DIP2C: variants seen among roughly 807,000 people sequenced by gnomAD.
The protein encoded by DIP2C is DIP2 acetate--CoA ligase C (putative).
Under a neutral mutation model 192.4 loss-of-function variants are expected in DIP2C, and 33 were observed. The ratio of observed to expected loss-of-function variants is 0.17; its 90% CI spans 0.13 to 0.23. The LOEUF is 0.23. Among genes scored for constraint, DIP2C ranks in the 10% least tolerant of loss-of-function variants. The pLI, the probability that DIP2C is intolerant of heterozygous loss-of-function variation, is 1.00. For missense variants in DIP2C, 1,537 were observed against 2,110.1 expected, an observed-to-expected ratio of 0.73 and a Z score of 5.32; for synonymous variants, 979 against 864.1, an observed-to-expected ratio of 1.13 and a Z score of -2.33.
intron 1 of DIP2C, among the ~76,000 whole-genome samples, chr10:603,171 G>A (rs1292919891): frequency 6.6e-6 from 1 of 151,880 alleles, no homozygotes; most frequent in Non-Finnish European, 1.5e-5. Flanking sequence ...ATATAAAACA[G>A]GAAAATAAAT....
At chr10:408,890 G>GT (rs1167588394) in intron 9 of DIP2C, 36 bp downstream of exon 9, 1 of 1,603,756 alleles carries the variant, frequency 6.2e-7, no homozygotes, top group South Asian at 1.1e-5. Flanking sequence ...CAGGACTCTT[G>GT]TGTTTTGTAG....
In DIP2C at chr10:277,539, A is replaced by G. The variant is rs149591063; in HGVS notation, c.4457T>C (p.Val1486Ala). 9 of 1,614,046 alleles carry G rather than the reference A, an allele frequency of 5.6e-6. No homozygotes were observed. The highest frequency in any genetic ancestry group is 7.6e-6 in the Non-Finnish European group (9 of 1,180,052). The change falls in exon 37 of 37, where the codon GTT becomes GCT. Residue 1486 changes from valine (V) to alanine (A), a missense_variant. Physicochemically the swap from Val to Ala is moderately conservative, Grantham distance 64. Transcript: ENST00000280886. ...FTWTNLLVVV[V>A]ELDGSEQEAL... ...TTCTTGTTCCGACCCATCCAGCTCA[A>G]CCACAACCACCAACAAATTTGTCCA...
At chr10:596,265 G>A (rs1467683102) in intron 1 of DIP2C, among the ~76,000 whole-genome samples, 10 of 152,018 alleles carry the variant, frequency 6.6e-5, no homozygotes, top group East Asian at 1.9e-4. Flanking sequence ...ATCCCAGCAC[G>A]TTGGGTGGCC....
At chr10:456,305 T>C (rs1379979354) in intron 3 of DIP2C, among the ~76,000 whole-genome samples, 5 of 107,268 alleles carry the variant, frequency 4.7e-5, no homozygotes, top group Admixed American at 1.8e-4. Context: ...CCATGAGGAG[T>C]AAATGAGATG....
intron 17 of DIP2C, among the ~76,000 whole-genome samples, chr10:376,852 C>G (rs761088573): frequency 1.3e-5 from 2 of 152,142 alleles, no homozygotes; most frequent in African/African-American, 4.8e-5. Flanking sequence ...TCAGGAAACA[C>G]GCACCGCGAG....
chr10:582,582 C>T (rs1850737115), intron 1 of DIP2C, among the ~76,000 whole-genome samples: 1 of 152,090 alleles, frequency 6.6e-6, no homozygotes, highest in African/African-American at 2.4e-5. Context: ...GACCCTGTCT[C>T]AGAAAATATA....
chr10:521,190 G>A (rs1481837528), intron 1 of DIP2C, among the ~76,000 whole-genome samples: 1 of 152,098 alleles, frequency 6.6e-6, no homozygotes, highest in African/African-American at 2.4e-5. Flanking sequence ...GTGATTTTAA[G>A]CAGATCAAGC....
intron 1 of DIP2C, among the ~76,000 whole-genome samples, chr10:583,686 G>A (rs940583449): frequency 5.3e-5 from 8 of 152,148 alleles, no homozygotes; most frequent in East Asian, 1.9e-4. Context: ...CTCAACAGCC[G>A]GAAGCAGTTC....
At chr10:573,789 G>A (rs1849974188) in intron 1 of DIP2C, among the ~76,000 whole-genome samples, 1 of 151,922 alleles carries the variant, frequency 6.6e-6, no homozygotes, top group South Asian at 2.1e-4. Context: ...AAGTAATTGT[G>A]TAAGAGAAAG....
At chr10:508,449 T>TA (rs1009145533) in intron 1 of DIP2C, among the ~76,000 whole-genome samples, 3 of 152,192 alleles carry the variant, frequency 2.0e-5, no homozygotes, top group African/African-American at 7.2e-5. Context: ...AGTGCTTACC[T>TA]AACTGGATAA....
At chr10:441,939 TGACAGACGGGGTAGAGAATTAAAGCAGA>T (rs140778875) in intron 3 of DIP2C, among the ~76,000 whole-genome samples, 53,525 of 151,696 alleles carry the variant, frequency 0.35, 10,930 homozygotes, top group Non-Finnish European at 0.47. Flanking sequence ...ACAAGACAGG[TGACAGACGGGGTAGAGAATTAAAGCAGA>T]GACAGACGCT....
chr10:571,055 C>G (rs1849766262), intron 1 of DIP2C, among the ~76,000 whole-genome samples: 1 of 152,200 alleles, frequency 6.6e-6, no homozygotes, highest in South Asian at 2.1e-4. Flanking sequence ...CCTAACGACA[C>G]GAGAGTGGTG....
At chr10:477,623 G>A (rs1306689827) in intron 2 of DIP2C, among the ~76,000 whole-genome samples, 1 of 117,692 alleles carries the variant, frequency 8.5e-6, no homozygotes, top group African/African-American at 2.9e-5. Context: ...GTGGGAGGAA[G>A]GTGGATGGGT....
chr10:602,443 A>G (rs943993992), intron 1 of DIP2C, among the ~76,000 whole-genome samples: 3 of 152,192 alleles, frequency 2.0e-5, no homozygotes, highest in Non-Finnish European at 4.4e-5. Context: ...GCAATCTCCG[A>G]TGGGATACGT....
At chr10:339,119 C>T (rs1046436721) in intron 29 of DIP2C, among the ~76,000 whole-genome samples, 6 of 152,082 alleles carry the variant, frequency 3.9e-5, no homozygotes, top group African/African-American at 1.2e-4. Context: ...ATTTACACCC[C>T]CAGGGCCTCT....
chr10:424,555 G>A (rs1024149328), intron 4 of DIP2C, among the ~76,000 whole-genome samples: 11 of 151,742 alleles, frequency 7.2e-5, no homozygotes, highest in East Asian at 1.9e-4. Flanking sequence ...TAGTAGAGAT[G>A]GGGTTTCACC....
chr10:687,015 A>G (rs940145748), intron 1 of DIP2C, among the ~76,000 whole-genome samples: 1 of 152,254 alleles, frequency 6.6e-6, no homozygotes, highest in African/African-American at 2.4e-5. Context: ...GAAATTCCAC[A>G]TATGTTTCTA....
At chr10:436,882 T>C (rs1435200798) in intron 4 of DIP2C, among the ~76,000 whole-genome samples, 1 of 140,770 alleles carries the variant, frequency 7.1e-6, no homozygotes, top group African/African-American at 2.7e-5. Context: ...TAGGGTGATA[T>C]GCTCCGCCCA....
intron 2 of DIP2C, chr10:484,775 G>A (rs1843878125): frequency 3.1e-6 from 5 of 1,609,738 alleles, no homozygotes; most frequent in African/African-American, 1.3e-5. Context: ...GCAAAGCAGC[G>A]CTCACCGAAA....
Sources: gnomAD v4.1 joint callset for allele counts (sites outside exome capture counted in the v4.1 genomes callset) on GRCh38, gnomAD v4.1.1 for gene constraint, MANE v1.5 for transcripts, NCBI Gene and HGNC (gene_info 2026-07-23, HGNC 2026-07-21) for gene names.